The following RCAN1 variants were observed in gnomAD, a reference collection of about 807,000 sequenced individuals.
RCAN1 encodes the protein calcipressin-1.
A neutral mutation model predicts 22.9 loss-of-function variants in RCAN1; 11 were observed. The ratio of observed to expected loss-of-function variants is 0.48; its 90% CI spans 0.30 to 0.79. RCAN1 has a LOEUF of 0.79. RCAN1 is among the 30% of genes least tolerant of loss of function. The pLI is 0.06. For missense variants in RCAN1, 291 were observed against 337.8 expected (o/e 0.86, Z 1.09); for synonymous variants, 136 against 142.3 (o/e 0.96, Z 0.32).
chr21:34,556,910 T>A (rs1036274043), intron 1 of RCAN1, among the ~76,000 whole-genome samples: 4 of 152,198 alleles, frequency 2.6e-5, no homozygotes. Context: ...GACACATTTA[T>A]GGTCCTTTAA....
chr21:34,528,274 A>G (rs757897895), intron 1 of RCAN1, among the ~76,000 whole-genome samples: 7 of 152,228 alleles, frequency 4.6e-5, no homozygotes, highest in Non-Finnish European at 1.0e-4. Context: ...TTAGCCTTCC[A>G]AAAAAGGAAA....
At chr21:34,585,968 AG>A (rs1396960020) in intron 1 of RCAN1, among the ~76,000 whole-genome samples, 4 of 152,262 alleles carry the variant, frequency 2.6e-5, no homozygotes. Flanking sequence ...ATAATAAAAA[AG>A]GGTCAATTTG....
At position 34,614,930 on chromosome 21, in the gene RCAN1, C is replaced by G; in HGVS notation, c.82G>C (p.Val28Leu). The change falls in exon 1 of 4, where the codon GTG becomes CTG. Residue 28 changes from valine to leucine, a missense_variant. Transcript: ENST00000313806. This position sits in a 1 kb window ranked among gnomAD's most constrained non-coding sequence, Gnocchi z 6.0. ...EAAEARARPG[V>L]TLRPFAPLSG... Reference sequence around the variant, plus strand: ...AGGGGCGCGAAGGGCCGCAGCGTCACCCCGGGCCGCGCTCGCGCCTCGGCC... The same window carrying G: ...AGGGGCGCGAAGGGCCGCAGCGTCAGCCCGGGCCGCGCTCGCGCCTCGGCC... 7.6e-7 allele frequency: 1 copy of G among 1,311,638 alleles called. No homozygotes were observed. Among genetic ancestry groups the G allele is most frequent in the Non-Finnish European group, 9.8e-7 (1 of 1,022,644 alleles). The allele number at this position is 1,311,638 out of a possible 1,614,324, so 81.2% of individuals were successfully genotyped here.
At chr21:34,582,486 G>T (rs1433978493) in intron 1 of RCAN1, among the ~76,000 whole-genome samples, 1 of 152,062 alleles carries the variant, frequency 6.6e-6, no homozygotes, top group Admixed American at 6.5e-5. Flanking sequence ...GTGGGTATCT[G>T]GGGGAAGAAC....
At chr21:34,608,663 G>A (rs1988604942) in intron 1 of RCAN1, among the ~76,000 whole-genome samples, 1 of 152,240 alleles carries the variant, frequency 6.6e-6, no homozygotes, top group African/African-American at 2.4e-5. Context: ...CTGACCCACA[G>A]ACACTGTGAC....
chr21:34,613,174 A>T (rs1156438230), intron 1 of RCAN1, among the ~76,000 whole-genome samples: 1 of 152,200 alleles, frequency 6.6e-6, no homozygotes, highest in African/African-American at 2.4e-5. Flanking sequence ...TCACCATATC[A>T]GTAAGACCTT....
intron 1 of RCAN1, among the ~76,000 whole-genome samples, chr21:34,544,316 C>G (rs1185842160): frequency 6.6e-6 from 1 of 152,212 alleles, no homozygotes; most frequent in Non-Finnish European, 1.5e-5. Context: ...GAGAGACATT[C>G]TCTGTTGCTG....
At chr21:34,556,451 A>AATAATAATAATAATG (rs1319400287) in intron 1 of RCAN1, among the ~76,000 whole-genome samples, 2 of 150,368 alleles carry the variant, frequency 1.3e-5, no homozygotes, top group Non-Finnish European at 3.0e-5. Context: ...TAATAATAAT[A>AATAATAATAATAATG]ATAATAATAG....
At chr21:34,562,470 T>G (rs1319659521) in intron 1 of RCAN1, among the ~76,000 whole-genome samples, 1 of 151,946 alleles carries the variant, frequency 6.6e-6, no homozygotes, top group Non-Finnish European at 1.5e-5. Context: ...CCCCAAGGAG[T>G]GATGTGGGAG....
chr21:34,531,696 C>T (rs1392111829), intron 1 of RCAN1, among the ~76,000 whole-genome samples: 1 of 152,204 alleles, frequency 6.6e-6, no homozygotes, highest in Non-Finnish European at 1.5e-5. Flanking sequence ...TCTTTCTTGT[C>T]ACATATCCTG....
intron 1 of RCAN1, among the ~76,000 whole-genome samples, chr21:34,553,817 C>T (rs1440395610): frequency 3.3e-5 from 5 of 152,058 alleles, no homozygotes; most frequent in African/African-American, 9.7e-5. Context: ...ACCTATAAAG[C>T]GAAATCTTTT....
At chr21:34,563,766 A>AT (rs1472308848) in intron 1 of RCAN1, among the ~76,000 whole-genome samples, 341 of 93,196 alleles carry the variant, frequency 3.7e-3, no homozygotes, top group African/African-American at 7.4e-3. Context: ...AAAAAAAAAA[A>AT]AAAAATATAT....
chr21:34,580,500 C>G (rs577493804), intron 1 of RCAN1, among the ~76,000 whole-genome samples: 60 of 152,324 alleles, frequency 3.9e-4, no homozygotes, highest in African/African-American at 1.3e-3. Flanking sequence ...CTCACTTGCC[C>G]GGCTATTATC....
At chr21:34,550,531 C>T (rs2284581) in intron 1 of RCAN1, among the ~76,000 whole-genome samples, 1 of 151,752 alleles carries the variant, frequency 6.6e-6, no homozygotes, top group Admixed American at 6.6e-5. Context: ...TGTGAGGACA[C>T]AGAGATAGCA....
chr21:34,529,969 G>GTT (rs1187408655), intron 1 of RCAN1, among the ~76,000 whole-genome samples: 1 of 152,202 alleles, frequency 6.6e-6, no homozygotes, highest in Non-Finnish European at 1.5e-5. Flanking sequence ...CTGCCGCCAT[G>GTT]TAAGAAGTGT....
intron 1 of RCAN1, among the ~76,000 whole-genome samples, chr21:34,596,881 C>T (rs531846621): frequency 2.9e-4 from 44 of 152,270 alleles, no homozygotes; most frequent in Non-Finnish European, 5.6e-4. Flanking sequence ...CTGCGAGGCT[C>T]GGGCCTGCTC....
intron 1 of RCAN1, among the ~76,000 whole-genome samples, chr21:34,559,043 C>G (rs576929049): frequency 2.0e-5 from 3 of 152,264 alleles, no homozygotes; most frequent in East Asian, 1.9e-4. Context: ...AAACAGGTTT[C>G]CAATTAATCA....
chr21:34,553,301 T>TTTGGTGATTTTGCTTCA (rs1314259421), intron 1 of RCAN1, among the ~76,000 whole-genome samples: 1 of 152,180 alleles, frequency 6.6e-6, no homozygotes, highest in East Asian at 1.9e-4. Flanking sequence ...CTGAAAGGGC[T>TTTGGTGATTTTGCTTCA]TTGGTGCTTT....
rs556977423 is a variant in RCAN1 at position 34,544,073 on chromosome 21, C to T, written c.253-20363G>A. On this transcript the variant is annotated intron_variant, in intron 1 of 3. Transcript: ENST00000313806. Reference sequence around the variant, plus strand: ...TGTGCATAGGTAGGTGCTTTTCAGACTGTGGCTGCCACAGCAGCAGTAGCT... The same window carrying T: ...TGTGCATAGGTAGGTGCTTTTCAGATTGTGGCTGCCACAGCAGCAGTAGCT... Among the ~76,000 whole-genome samples, 16 of 152,382 alleles carry T rather than the reference C, an allele frequency of 1.0e-4. No individual in the cohort carries two copies. In the South Asian group the frequency reaches 2.5e-3, roughly 24 times the overall value.
Sources: gnomAD v4.1 joint callset for allele counts (sites outside exome capture counted in the v4.1 genomes callset) on GRCh38, gnomAD v4.1.1 for gene constraint, Gnocchi (gnomAD v3.1) non-coding constraint, MANE v1.5 for transcripts, NCBI Gene and HGNC (gene_info 2026-07-23, HGNC 2026-07-21) for gene names.